Variants in NT5C2 observed in about 807,000 individuals in gnomAD.
NT5C2 encodes 5'-nucleotidase, cytosolic II.
NT5C2 carries 58 observed loss-of-function variants against 76.1 expected under a neutral mutation model. The observed-to-expected ratio is 0.76, with a 90% CI of 0.62 to 0.95. The LOEUF is 0.95. NT5C2 is among the 40% of genes least tolerant of loss of function. The probability of loss-of-function intolerance (pLI) is 0.00; values close to 1 mark genes in which losing one functional copy is unlikely to be tolerated. For synonymous variants in NT5C2, 229 were observed against 237.4 expected (o/e 0.96, Z 0.32); for missense variants, 478 against 690.3 (o/e 0.69, Z 3.45).
At chr10:103,151,782 C>T (rs960175339) in intron 3 of NT5C2, among the ~76,000 whole-genome samples, 10 of 151,838 alleles carry the variant, frequency 6.6e-5, no homozygotes, top group African/African-American at 2.2e-4. Flanking sequence ...TTTTTTCATC[C>T]CCAAGCACAA....
Position 103,190,195 on chromosome 10 carries a change from T to C in NT5C2, c.-169+3041A>G, listed in dbSNP as rs555008087. ...TTTGTATTTTTAGTAGAGATGGGGT[T>C]TCACCATGTTGGCCAGGCTGGTCTC... On this transcript the variant is annotated intron_variant, in intron 1 of 18. Coordinates refer to ENST00000404739, the MANE Select transcript of NT5C2 (RefSeq NM_001351169.2). 2.4e-3 allele frequency among the ~76,000 whole-genome samples: 365 copies of C among 152,072 alleles called. 2 individuals are homozygous for C. The highest frequency in any genetic ancestry group is 8.3e-3 in the African/African-American group (343 of 41,494).
intron 1 of NT5C2, among the ~76,000 whole-genome samples, chr10:103,189,997 C>CTTTTTTT (rs1239145078): frequency 5.6e-5 from 6 of 108,046 alleles, no homozygotes; most frequent in African/African-American, 1.5e-4. Flanking sequence ...TTGTGGCTTT[C>CTTTTTTT]TTTTTTTTTT....
chr10:103,146,373 G>C, intron 3 of NT5C2: 1 of 985,318 alleles, frequency 1.0e-6, no homozygotes, highest in Non-Finnish European at 1.2e-6. Flanking sequence ...GACAGTTAGT[G>C]CAACAACAAA....
At chr10:103,160,189 T>A (rs1038583434) in intron 3 of NT5C2, among the ~76,000 whole-genome samples, 1 of 152,094 alleles carries the variant, frequency 6.6e-6, no homozygotes, top group Non-Finnish European at 1.5e-5. Context: ...TGGATAGTCA[T>A]GTGCAAAAAA....
At chr10:103,103,961 C>T (rs1234113344) in intron 6 of NT5C2, among the ~76,000 whole-genome samples, 1 of 152,236 alleles carries the variant, frequency 6.6e-6, no homozygotes, top group African/African-American at 2.4e-5. Context: ...TCAAGCACTC[C>T]TCCTGCCTCA....
chr10:103,135,540 C>T (rs111278264), intron 4 of NT5C2, among the ~76,000 whole-genome samples: 15,730 of 151,740 alleles, frequency 0.1, 818 homozygotes, highest in Middle Eastern at 0.18. Flanking sequence ...TTTGGGAGGC[C>T]GAGGCAGGCA....
chr10:103,096,777 C>G (rs1208021496), intron 11 of NT5C2, among the ~76,000 whole-genome samples: 1 of 136,366 alleles, frequency 7.3e-6, no homozygotes, highest in Non-Finnish European at 1.5e-5. Flanking sequence ...ACCCAGGCGG[C>G]AGAGGTTGCA....
At chr10:103,091,180 C>A (rs1369973633) in intron 16 of NT5C2, among the ~76,000 whole-genome samples, 184 bp from the exon 17 acceptor site, 1 of 152,118 alleles carries the variant, frequency 6.6e-6, no homozygotes, top group East Asian at 1.9e-4. Flanking sequence ...GGATTACAGG[C>A]ATGTGCCACC....
At chr10:103,171,996 T>C (rs994985576) in intron 3 of NT5C2, among the ~76,000 whole-genome samples, 3 of 151,978 alleles carry the variant, frequency 2.0e-5, no homozygotes, top group Admixed American at 6.6e-5. Context: ...GATCACCTGA[T>C]ATCAGGAGTT....
chr10:103,161,971 G>C (rs1266172938), intron 3 of NT5C2, among the ~76,000 whole-genome samples: 2 of 152,120 alleles, frequency 1.3e-5, no homozygotes, highest in African/African-American at 4.8e-5. Context: ...TATACTAAAA[G>C]CCACTGAATA....
intron 3 of NT5C2, among the ~76,000 whole-genome samples, chr10:103,144,352 C>T (rs1465526543): frequency 6.6e-6 from 1 of 152,138 alleles, no homozygotes; most frequent in Non-Finnish European, 1.5e-5. Context: ...ACAGCTTTTA[C>T]TCTCATAGAA....
intron 3 of NT5C2, among the ~76,000 whole-genome samples, chr10:103,169,757 G>A (rs1304909835): frequency 6.6e-6 from 1 of 152,078 alleles, no homozygotes; most frequent in African/African-American, 2.4e-5. Flanking sequence ...GAGGCAGGAG[G>A]ACTGCTTGCA....
At chr10:103,162,913 C>T (rs952044160) in intron 3 of NT5C2, among the ~76,000 whole-genome samples, 1 of 152,116 alleles carries the variant, frequency 6.6e-6, no homozygotes, top group Non-Finnish European at 1.5e-5. Context: ...AGTTCCATCA[C>T]CCCAAAAAAC....
In NT5C2 at chr10:103,127,384, G is replaced by A. The variant is rs146543388; in HGVS notation, c.175+12022C>T. Among the ~76,000 whole-genome samples, 668 of 152,252 alleles carry A rather than the reference G, an allele frequency of 4.4e-3. 6 individuals carry two copies. Among genetic ancestry groups the A allele is most frequent in the Admixed American group, 0.02 (307 of 15,288 alleles). On this transcript the variant is annotated intron_variant, in intron 4 of 18. Coordinates refer to ENST00000404739, the MANE Select transcript of NT5C2 (RefSeq NM_001351169.2). ...TACATAGAAATCCTGCAAATAAACC[G>A]ATACACAGCTGGCTTCAATTATGGG...
At chr10:103,188,666 C>A (rs189216611) in intron 1 of NT5C2, among the ~76,000 whole-genome samples, 4 of 152,106 alleles carry the variant, frequency 2.6e-5, no homozygotes, top group African/African-American at 9.7e-5. Flanking sequence ...CAATTTTTTA[C>A]GATCAGTTGC....
At position 103,089,558 on chromosome 10, in the gene NT5C2, C is replaced by T. The variant is rs1432174865; in HGVS notation, c.*114G>A. The T allele has an allele frequency of 2.1e-6, 3 of 1,420,022 alleles. No homozygotes were observed. Among genetic ancestry groups the T allele is most frequent in the Non-Finnish European group, 1.8e-6 (2 of 1,084,428 alleles). The allele number at this position is 1,420,022 out of a possible 1,614,324, so 88.0% of individuals were successfully genotyped here. On this transcript the variant is annotated 3_prime_UTR_variant, in exon 19 of 19. Transcript: ENST00000404739. ...AATCTTCAGAAACTTTTCAGACGTACCTTTCATGGAGCCCCCTCCCTCCCC... is the reference window on the plus strand; with the variant it reads ...AATCTTCAGAAACTTTTCAGACGTATCTTTCATGGAGCCCCCTCCCTCCCC...
intron 1 of NT5C2, among the ~76,000 whole-genome samples, chr10:103,182,722 G>A (rs1345919271): frequency 6.6e-6 from 1 of 151,986 alleles, no homozygotes; most frequent in Non-Finnish European, 1.5e-5. Flanking sequence ...AACTTACATG[G>A]AAAGGATAAT....
intron 4 of NT5C2, among the ~76,000 whole-genome samples, chr10:103,128,281 G>A (rs1398864920): frequency 2.7e-5 from 4 of 150,646 alleles, no homozygotes; most frequent in South Asian, 2.1e-4. Flanking sequence ...TGGCCGGGCC[G>A]GTCTCCAGCC....
chr10:103,181,603 T>C (rs540342114), intron 1 of NT5C2, among the ~76,000 whole-genome samples: 76 of 152,350 alleles, frequency 5.0e-4, no homozygotes, highest in African/African-American at 1.8e-3. Context: ...AAAGGAAATT[T>C]TGTCCCTCCC....
Sources: allele counts gnomAD v4.1 joint callset (sites outside exome capture counted in the v4.1 genomes callset), GRCh38; gene constraint gnomAD v4.1.1; transcripts MANE v1.5; gene names NCBI Gene and HGNC (gene_info 2026-07-23, HGNC 2026-07-21).